Variants in FGF13 observed in about 807,000 individuals in gnomAD.
FGF13 encodes fibroblast growth factor 13, also known as fibroblast growth factor homologous factor 2.
In FGF13, 2 loss-of-function variants were observed where a neutral mutation model predicts 19.5. That is an observed-to-expected ratio of 0.10 (90% CI 0.04 to 0.32). The LOEUF is 0.32. Among genes scored for constraint, FGF13 ranks in the 10% least tolerant of loss-of-function variants. FGF13 has a pLI of 1.00. For missense variants in FGF13, 113 were observed against 192.7 expected (o/e 0.59, Z 2.45); for synonymous variants, 72 against 76.9 (o/e 0.94, Z 0.33).
chrX:138,774,722 A>G (rs1421769786), intron 3 of FGF13, among the ~76,000 whole-genome samples: 1 of 111,658 alleles, frequency 9.0e-6, no homozygotes, highest in African/African-American at 3.3e-5. Context: ...CCCATGTATT[A>G]TTTGTCCCTG....
intron 3 of FGF13, among the ~76,000 whole-genome samples, chrX:138,685,927 T>G (rs1165444188): frequency 9.1e-6 from 1 of 109,452 alleles, no homozygotes; most frequent in Non-Finnish European, 1.9e-5. Flanking sequence ...ACAGCACTTT[T>G]CTCAATATAC....
At chrX:138,789,363 G>C (rs1277112046) in intron 3 of FGF13, among the ~76,000 whole-genome samples, 1 of 99,193 alleles carries the variant, frequency 1.0e-5, no homozygotes, top group Non-Finnish European at 2.0e-5. Context: ...TTTTTTTTTA[G>C]TAGAGATGGG....
intron 1 of FGF13, among the ~76,000 whole-genome samples, chrX:138,952,353 G>T (rs982042178): frequency 3.6e-5 from 4 of 111,968 alleles, no homozygotes; most frequent in Non-Finnish European, 7.5e-5. Context: ...AATAAATGGT[G>T]CTGGGAAAAC....
intron 1 of FGF13, among the ~76,000 whole-genome samples, chrX:139,029,505 A>C (rs2092218100): frequency 8.9e-6 from 1 of 112,269 alleles, no homozygotes; most frequent in Non-Finnish European, 1.9e-5. Context: ...TCTTTGTCAG[A>C]AAATGTATAA....
At chrX:139,043,414 T>C (rs909561428) in intron 1 of FGF13, among the ~76,000 whole-genome samples, 6 of 110,666 alleles carry the variant, frequency 5.4e-5, no homozygotes, top group Non-Finnish European at 1.1e-4. Context: ...AGATTCAGCA[T>C]GTTGGCCAGG....
At chrX:138,649,559 C>G (rs766099789) in intron 3 of FGF13, among the ~76,000 whole-genome samples, 38 of 112,043 alleles carry the variant, frequency 3.4e-4, no homozygotes, top group African/African-American at 8.8e-4. Context: ...TGATTCTTCC[C>G]TCCTCGGCCC....
chrX:138,803,262 G>T (rs950977325), intron 3 of FGF13, among the ~76,000 whole-genome samples: 1 of 112,003 alleles, frequency 8.9e-6, no homozygotes, highest in Non-Finnish European at 1.9e-5. Context: ...ACCTATCTTG[G>T]CTACATAATT....
At chrX:138,869,909 G>C (rs777004652) in intron 1 of FGF13, among the ~76,000 whole-genome samples, 1 of 111,818 alleles carries the variant, frequency 8.9e-6, no homozygotes, top group South Asian at 3.8e-4. Context: ...AGAATATATT[G>C]TGCCAGGTTA....
At chrX:139,190,866 A>G (rs1405000218) in intron 1 of FGF13, among the ~76,000 whole-genome samples, 1 of 112,226 alleles carries the variant, frequency 8.9e-6, no homozygotes, top group African/African-American at 3.2e-5. Flanking sequence ...CAAATGCCTC[A>G]ACAAGAGGCC....
intron 1 of FGF13, among the ~76,000 whole-genome samples, chrX:139,070,109 A>G (rs955637202): frequency 1.8e-5 from 2 of 112,226 alleles, no homozygotes; most frequent in Non-Finnish European, 3.8e-5. Flanking sequence ...AGCAATGGCA[A>G]CAAAAGCCAA....
intron 1 of FGF13, among the ~76,000 whole-genome samples, chrX:139,200,825 A>G (rs1390823606): frequency 8.9e-6 from 1 of 112,491 alleles, no homozygotes; most frequent in Non-Finnish European, 1.9e-5. Flanking sequence ...GTTGCAACAA[A>G]CCAGAAACAG....
At chrX:138,915,516 C>A (rs6634026) in intron 1 of FGF13, among the ~76,000 whole-genome samples, 1 of 111,654 alleles carries the variant, frequency 9.0e-6, no homozygotes, top group African/African-American at 3.3e-5. Context: ...ATCTACCTCA[C>A]ACTTTCCCTC....
At chrX:138,896,733 G>C (rs2091506162) in intron 1 of FGF13, among the ~76,000 whole-genome samples, 1 of 111,666 alleles carries the variant, frequency 9.0e-6, no homozygotes, top group Non-Finnish European at 1.9e-5. Flanking sequence ...TGTTAAATGG[G>C]AAAATAATTG....
At chrX:139,070,199 A>G (rs1375486092) in intron 1 of FGF13, among the ~76,000 whole-genome samples, 2 of 112,101 alleles carry the variant, frequency 1.8e-5, no homozygotes, top group Non-Finnish European at 3.8e-5. Context: ...CAGGCAACCT[A>G]CAATGGGAGA....
At chrX:139,177,223 G>A (rs1269672874) in intron 1 of FGF13, among the ~76,000 whole-genome samples, 1 of 94,143 alleles carries the variant, frequency 1.1e-5, no homozygotes, top group Non-Finnish European at 2.0e-5. Flanking sequence ...TCAGAGACTA[G>A]GATTGCAACC....
chrX:138,629,004 A>ATGAT lies in FGF13; in HGVS notation c.*3842_*3845dup, dbSNP rs1392436374. On this transcript the variant is annotated 3_prime_UTR_variant, in exon 5 of 5. Coordinates refer to ENST00000315930, the MANE Select transcript of FGF13 (RefSeq NM_004114.5). ...TCATTCTCAGGCTAAATACAGTATAATGATTGAATACACGTTCACAGATGG... is the reference window on the plus strand; with the variant it reads ...TCATTCTCAGGCTAAATACAGTATAATGATTGATTGAATACACGTTCACAGATGG... The ATGAT allele has an allele frequency of 8.9e-6, 1 of 112,314 alleles. No homozygotes were observed. The highest frequency in any genetic ancestry group is 3.2e-5 in the African/African-American group (1 of 30,875). 9.3% of individuals were successfully genotyped at this position (112,314 alleles called of 1,213,427 possible).
At chrX:139,173,026 A>G (rs1478037381) in intron 1 of FGF13, among the ~76,000 whole-genome samples, 1 of 112,130 alleles carries the variant, frequency 8.9e-6, no homozygotes, top group Non-Finnish European at 1.9e-5. Flanking sequence ...AGATTATAAT[A>G]TAGTTAGAGA....
At position 139,114,374 on chromosome X, in the gene FGF13, C is replaced by G. The variant is rs2083624777; in HGVS notation, c.-113+89042G>C. The stretch of plus-strand genomic sequence containing the variant: ...CGCTAGGTGTGTAAACTAGGTAGGC[C>G]AGTTGTGTTCAACAATTGGACATTT... On this transcript the variant is annotated intron_variant, in intron 1 of 2. Coordinates refer to the FGF13 transcript ENST00000421460. 2.7e-5 allele frequency among the ~76,000 whole-genome samples: 3 copies of G among 111,904 alleles called. No individual in the cohort carries two copies. In the Admixed American group the frequency reaches 2.9e-4, roughly 11 times the overall value.
intron 2 of FGF13, among the ~76,000 whole-genome samples, chrX:138,860,908 G>A (rs1385813853): frequency 8.9e-6 from 1 of 112,293 alleles, no homozygotes; most frequent in African/African-American, 3.2e-5. Flanking sequence ...GGACTCCGAA[G>A]TCTCACAGGA....
Sources: gnomAD v4.1 joint callset for allele counts (sites outside exome capture counted in the v4.1 genomes callset) on GRCh38, gnomAD v4.1.1 for gene constraint, MANE v1.5 for transcripts, NCBI Gene and HGNC (gene_info 2026-07-23, HGNC 2026-07-21) for gene names.